Variants in ERC1 observed in about 807,000 individuals in gnomAD.
The protein encoded by ERC1 is ELKS/RAB6-interacting/CAST family member 1.
In ERC1, 56 loss-of-function variants were observed where a neutral mutation model predicts 132.0. The observed-to-expected ratio is 0.42, with a 90% CI of 0.34 to 0.53. The LOEUF (loss-of-function observed/expected upper bound fraction) is 0.53. ERC1 is among the 20% of genes least tolerant of loss of function. ERC1 has a pLI of 0.03. For synonymous variants in ERC1, 478 were observed against 476.1 expected (o/e 1.00, Z -0.05); for missense variants, 1,202 against 1,349.9 (o/e 0.89, Z 1.72).
intron 1 of ERC1, among the ~76,000 whole-genome samples, chr12:1,007,896 G>A (rs1964003289): frequency 2.0e-5 from 3 of 152,128 alleles, no homozygotes; most frequent in African/African-American, 7.2e-5. Context: ...GTGTTTAACA[G>A]CAGTATGGGA....
chr12:1,186,663 G>A (rs1393871591), intron 11 of ERC1, among the ~76,000 whole-genome samples: 1 of 152,176 alleles, frequency 6.6e-6, no homozygotes, highest in South Asian at 2.1e-4. Context: ...TTAACGTATA[G>A]TTAGAACTTA....
chr12:1,342,444 G>C (rs1016451896), intron 15 of ERC1, among the ~76,000 whole-genome samples: 1 of 147,246 alleles, frequency 6.8e-6, no homozygotes, highest in Admixed American at 6.8e-5. Context: ...TCCAGCCTGG[G>C]CGACAAAGAG....
intron 1 of ERC1, among the ~76,000 whole-genome samples, chr12:1,004,716 T>C (rs1963202673): frequency 6.6e-6 from 1 of 152,072 alleles, no homozygotes; most frequent in Non-Finnish European, 1.5e-5. Flanking sequence ...GTTAACACAT[T>C]TCTAAGCATT....
At chr12:1,447,448 C>T (rs2093330571) in intron 18 of ERC1, among the ~76,000 whole-genome samples, 1 of 151,050 alleles carries the variant, frequency 6.6e-6, no homozygotes, top group African/African-American at 2.4e-5. Flanking sequence ...CCCGGGCAGT[C>T]GTGGCTACAA....
rs1342908507 is a variant in ERC1 at position 1,083,283 on chromosome 12, A to G, written c.789A>G (p.Thr263=). The G allele has an allele frequency of 3.7e-6, 6 of 1,614,222 alleles. No individual in the cohort carries two copies. The highest frequency in any genetic ancestry group is 1.1e-5 in the South Asian group (1 of 91,082). The part of the protein sequence containing the change: ...RTGEPCVAEL[T]EENFQRLHAE... The stretch of plus-strand genomic sequence containing the variant: ...GCGAACCTTGTGTAGCAGAGCTGAC[A>G]GAGGAGAACTTTCAGAGGCTTCATG... Residue 263 remains threonine (T), a synonymous_variant, in exon 3 of 19, where the codon ACA becomes ACG. Coordinates refer to ENST00000360905, the MANE Select transcript of ERC1 (RefSeq NM_178040.4).
At chr12:1,440,891 C>G (rs1015586445) in intron 17 of ERC1, among the ~76,000 whole-genome samples, 1 of 151,876 alleles carries the variant, frequency 6.6e-6, no homozygotes, top group Admixed American at 6.6e-5. Flanking sequence ...AGTGATCCAC[C>G]CACCTTGCCC....
intron 8 of ERC1, among the ~76,000 whole-genome samples, chr12:1,146,317 T>TTTTTTGTTGTTG (rs1373001376): frequency 1.6e-4 from 23 of 142,592 alleles, no homozygotes; most frequent in African/African-American, 6.0e-4. Context: ...GGTTTTTTTT[T>TTTTTTGTTGTTG]TTTTTTTTTT....
chr12:1,475,222 G>A (rs1022980481), intron 18 of ERC1, among the ~76,000 whole-genome samples: 1 of 152,170 alleles, frequency 6.6e-6, no homozygotes, highest in Non-Finnish European at 1.5e-5. Context: ...GATTGTTTTG[G>A]TTTGGACATG....
intron 15 of ERC1, among the ~76,000 whole-genome samples, chr12:1,314,836 T>C (rs529779006): frequency 5.3e-5 from 8 of 152,324 alleles, no homozygotes; most frequent in Non-Finnish European, 1.0e-4. Flanking sequence ...TTTCAATCTG[T>C]CTGTCCATTT....
At chr12:1,468,279 C>T (rs1054412401) in intron 18 of ERC1, among the ~76,000 whole-genome samples, 1 of 152,084 alleles carries the variant, frequency 6.6e-6, no homozygotes, top group Non-Finnish European at 1.5e-5. Flanking sequence ...AGGGGGAAGG[C>T]TTCACGAAAG....
chr12:1,164,231 T>TTTTTATTTTATTTTA (rs201747298), intron 8 of ERC1, among the ~76,000 whole-genome samples: 4,808 of 136,042 alleles, frequency 0.035, 358 homozygotes, highest in African/African-American at 0.13. Context: ...GAACCTGCCC[T>TTTTTATTTTATTTTA]TTTTATTTTA....
chr12:1,067,957 A>T (rs1300474562), intron 2 of ERC1, among the ~76,000 whole-genome samples: 1 of 139,454 alleles, frequency 7.2e-6, no homozygotes, highest in African/African-American at 2.8e-5. Context: ...CTTCTGAGAC[A>T]GAGTCGCTCT....
intron 14 of ERC1, among the ~76,000 whole-genome samples, chr12:1,282,415 T>C (rs1400512104): frequency 6.6e-6 from 1 of 152,222 alleles, no homozygotes. Flanking sequence ...AACAGTGTAC[T>C]TCAAAGTAGA....
At position 1,112,263 on chromosome 12, in the gene ERC1, G is replaced by A. The variant is rs1565990760; in HGVS notation, c.1366G>A (p.Glu456Lys). 6.2e-7 allele frequency: 1 copy of A among 1,613,416 alleles called. No individual in the cohort carries two copies. Among genetic ancestry groups the A allele is most frequent in the Admixed American group, 1.7e-5 (1 of 60,000 alleles). ...AAGTTCGAAAGAGGCTCAATGGGAG[G>A]AGCTGAAAAAGAAAGCGGCTGGTCT... ...ELSSKEAQWE[E>K]LKKKAAGLQA... Residue 456 changes from glutamate to lysine, a missense_variant, in exon 6 of 19, where the codon GAG (glutamate) becomes AAG (lysine). Transcript: ENST00000360905.
At chr12:1,293,400 C>CAA (rs2079622444) in intron 15 of ERC1, among the ~76,000 whole-genome samples, 1 of 126,224 alleles carries the variant, frequency 7.9e-6, no homozygotes, top group African/African-American at 3.0e-5. Flanking sequence ...TTGCAGTGAG[C>CAA]TGAGATCGTG....
At chr12:1,349,049 G>A (rs551825843) in intron 15 of ERC1, among the ~76,000 whole-genome samples, 1 of 152,168 alleles carries the variant, frequency 6.6e-6, no homozygotes. Context: ...TATTGTAAAG[G>A]AATGTAGTAA....
At chr12:1,317,881 T>G (rs1183052643) in intron 15 of ERC1, among the ~76,000 whole-genome samples, 3 of 152,212 alleles carry the variant, frequency 2.0e-5, no homozygotes, top group Admixed American at 2.0e-4. Context: ...GACTTGAGTG[T>G]CACATAAAGG....
At chr12:1,228,102 C>G (rs1421893987) in intron 12 of ERC1, among the ~76,000 whole-genome samples, 9 of 152,172 alleles carry the variant, frequency 5.9e-5, no homozygotes, top group African/African-American at 2.2e-4. Flanking sequence ...GTTCTTCTTA[C>G]TCACAATTGG....
At chr12:1,479,795 T>A (rs577098624) in intron 18 of ERC1, among the ~76,000 whole-genome samples, 2 of 152,230 alleles carry the variant, frequency 1.3e-5, no homozygotes, top group African/African-American at 4.8e-5. Flanking sequence ...CCTGCTCGCC[T>A]GGAGAAGCCA....
Sources: allele counts gnomAD v4.1 joint callset (sites outside exome capture counted in the v4.1 genomes callset), GRCh38; gene constraint gnomAD v4.1.1; transcripts MANE v1.5; gene names NCBI Gene and HGNC (gene_info 2026-07-23, HGNC 2026-07-21).